Variants in DYM observed in about 807,000 individuals in gnomAD.
DYM encodes the protein dyggve-Melchior-Clausen syndrome protein.
Under a neutral mutation model 93.1 loss-of-function variants are expected in DYM, and 78 were observed. The ratio of observed to expected loss-of-function variants is 0.84; its 90% CI spans 0.70 to 1.01. DYM has a LOEUF of 1.01. Ranked by LOEUF, DYM falls within the 50% of genes least tolerant of loss-of-function variation. DYM has a pLI of 0.00. For missense variants in DYM, 789 were observed against 845.0 expected, an observed-to-expected ratio of 0.93 and a Z score of 0.82; for synonymous variants, 321 against 319.7, an observed-to-expected ratio of 1.00 and a Z score of -0.04.
At chr18:49,175,735 A>G (rs1186767399) in intron 14 of DYM, among the ~76,000 whole-genome samples, 1 of 152,206 alleles carries the variant, frequency 6.6e-6, no homozygotes, top group African/African-American at 2.4e-5. Flanking sequence ...CCATCAGTAC[A>G]CTAAGCACCA....
intron 17 of DYM, among the ~76,000 whole-genome samples, chr18:49,078,398 T>A (rs2077495562): frequency 6.6e-6 from 1 of 151,778 alleles, no homozygotes; most frequent in Admixed American, 6.6e-5. Context: ...AAAATATATA[T>A]ATATATATAC....
chr18:49,106,654 T>G (rs1429910404), intron 16 of DYM, among the ~76,000 whole-genome samples: 2 of 152,210 alleles, frequency 1.3e-5, no homozygotes, highest in Non-Finnish European at 2.9e-5. Flanking sequence ...TTATTTCTCC[T>G]TCACTTACGA....
chr18:49,096,618 A>G (rs764339219), intron 17 of DYM, among the ~76,000 whole-genome samples: 9 of 152,366 alleles, frequency 5.9e-5, no homozygotes, highest in Non-Finnish European at 1.3e-4. Context: ...AATGCTGTAC[A>G]TTCATGCATT....
At chr18:49,369,324 G>A (rs553646477) in intron 5 of DYM, among the ~76,000 whole-genome samples, 3 of 152,222 alleles carry the variant, frequency 2.0e-5, no homozygotes, top group Non-Finnish European at 2.9e-5. Context: ...CAGCCTCTAT[G>A]GATAACAGAT....
At chr18:49,297,935 T>A (rs958874684) in intron 8 of DYM, among the ~76,000 whole-genome samples, 4 of 152,150 alleles carry the variant, frequency 2.6e-5, no homozygotes, top group Non-Finnish European at 5.9e-5. Context: ...CACCTATTTT[T>A]GCCAGCCTAA....
chr18:49,441,276 T>TTGTTATATATAATTATATAA (rs2081547947), intron 1 of DYM, among the ~76,000 whole-genome samples: 1 of 43,296 alleles, frequency 2.3e-5, no homozygotes, highest in Non-Finnish European at 4.0e-5. Flanking sequence ...ATAATATATA[T>TTGTTATATATAATTATATAA]TATATAATTA....
At chr18:49,126,140 C>T (rs2082797084) in intron 15 of DYM, 1 of 152,082 alleles carries the variant, frequency 6.6e-6, no homozygotes, top group Admixed American at 6.6e-5. Flanking sequence ...CTCTGCTAAC[C>T]ACTACTTTAA....
At chr18:49,204,846 G>T (rs1056110418) in intron 14 of DYM, among the ~76,000 whole-genome samples, 3 of 152,220 alleles carry the variant, frequency 2.0e-5, no homozygotes, top group Non-Finnish European at 4.4e-5. Context: ...GGTAGTTTGA[G>T]AGCTGATTTC....
At chr18:49,363,970 T>C (rs1042554337) in intron 5 of DYM, among the ~76,000 whole-genome samples, 2 of 152,214 alleles carry the variant, frequency 1.3e-5, no homozygotes, top group African/African-American at 2.4e-5. Context: ...TGAAATTCTT[T>C]CTTTTCTCAG....
chr18:49,082,403 G>A (rs1157014881), intron 17 of DYM, among the ~76,000 whole-genome samples: 1 of 152,088 alleles, frequency 6.6e-6, no homozygotes, highest in African/African-American at 2.4e-5. Flanking sequence ...TATCTGGTAG[G>A]GTCTTGATAC....
At chr18:49,262,575 G>C (rs901235939) in intron 11 of DYM, among the ~76,000 whole-genome samples, 1 of 152,068 alleles carries the variant, frequency 6.6e-6, no homozygotes, top group Admixed American at 6.6e-5. Flanking sequence ...ATACATATAA[G>C]AAGAATATTC....
chr18:49,143,546 T>C (rs953399338), intron 15 of DYM, among the ~76,000 whole-genome samples: 2 of 152,168 alleles, frequency 1.3e-5, no homozygotes, highest in Non-Finnish European at 2.9e-5. Flanking sequence ...CTTATTTAAC[T>C]GTTGAGAAAA....
intron 15 of DYM, among the ~76,000 whole-genome samples, chr18:49,121,773 G>T (rs558955854): frequency 6.6e-6 from 1 of 152,154 alleles, no homozygotes; most frequent in Non-Finnish European, 1.5e-5. Flanking sequence ...AAATGTAGTG[G>T]CATCATTAAA....
At chr18:49,141,203 C>CTT (rs889523628) in intron 15 of DYM, among the ~76,000 whole-genome samples, 24 of 152,284 alleles carry the variant, frequency 1.6e-4, no homozygotes, top group African/African-American at 5.8e-4. Flanking sequence ...GCAGCCTAGC[C>CTT]TTTTCCTCTT....
In DYM at chr18:49,363,224, G is replaced by A. The variant is rs761879164; in HGVS notation, c.431C>T (p.Ser144Leu). The A allele has an allele frequency of 6.2e-7, 1 of 1,613,548 alleles. No individual in the cohort carries two copies. Among genetic ancestry groups the A allele is most frequent in the East Asian group, 2.2e-5 (1 of 44,806 alleles). ...EKSPGNYSSD[S>L]EDLLEELLCC... is the part of the protein sequence containing the mutation. The stretch of plus-strand genomic sequence containing the variant: ...CAGCAATTCTTCCAAAAGATCTTCT[G>A]AGTCAGAACCTGGTAAGACACATAA... The change falls in exon 6 of 18, where the codon TCA becomes TTA. Residue 144 changes from serine to leucine, a missense_variant. Ser to Leu is a moderately radical substitution (Grantham distance 145, BLOSUM62 -2). Coordinates refer to ENST00000675505, the MANE Select transcript of DYM (RefSeq NM_001353214.3).
intron 8 of DYM, among the ~76,000 whole-genome samples, chr18:49,315,299 T>C (rs1021074976): frequency 1.3e-5 from 2 of 152,124 alleles, no homozygotes; most frequent in African/African-American, 4.8e-5. Flanking sequence ...TAAATTCCCA[T>C]GCACAAAAAA....
chr18:49,120,529 T>C (rs1223493799), intron 15 of DYM, among the ~76,000 whole-genome samples: 1 of 152,226 alleles, frequency 6.6e-6, no homozygotes, highest in Non-Finnish European at 1.5e-5. Flanking sequence ...AGTGGCATAC[T>C]ACAGTTGCTC....
chr18:49,206,011 G>GTTTGTTTGTTTTTTGTTTTT (rs2092475166), intron 14 of DYM: 3 of 135,036 alleles, frequency 2.2e-5, no homozygotes, highest in African/African-American at 8.1e-5. Context: ...TTGTTTTTTT[G>GTTTGTTTGTTTTTTGTTTTT]TTTTTTGCGG....
intron 16 of DYM, among the ~76,000 whole-genome samples, chr18:49,103,069 C>T (rs1401482028): frequency 6.6e-6 from 1 of 152,198 alleles, no homozygotes; most frequent in African/African-American, 2.4e-5. Context: ...ACACCCTCCC[C>T]AGCACCTGTT....
Sources: gnomAD v4.1 joint callset for allele counts (sites outside exome capture counted in the v4.1 genomes callset) on GRCh38, gnomAD v4.1.1 for gene constraint, MANE v1.5 for transcripts, NCBI Gene and HGNC (gene_info 2026-07-23, HGNC 2026-07-21) for gene names.